KIF26B: variants seen among roughly 807,000 people sequenced by gnomAD.
The protein encoded by KIF26B is kinesin-like protein KIF26B.
KIF26B carries 63 observed loss-of-function variants against 151.2 expected under a neutral mutation model. That is an observed-to-expected ratio of 0.42 (90% CI 0.34 to 0.51). The LOEUF (loss-of-function observed/expected upper bound fraction) is 0.51. KIF26B is among the 20% of genes least tolerant of loss of function. The probability of loss-of-function intolerance (pLI) is 0.07; values close to 1 mark genes in which losing one functional copy is unlikely to be tolerated. For synonymous variants in KIF26B, 1,357 were observed against 1,262.1 expected (o/e 1.08, Z -1.59); for missense variants, 2,813 against 2,913.6 (o/e 0.97, Z 0.79).
intron 9 of KIF26B, among the ~76,000 whole-genome samples, chr1:245,644,943 C>T (rs56311035): frequency 0.23 from 34,886 of 151,960 alleles, 4,291 homozygotes; most frequent in East Asian, 0.38. Context: ...GGTGAGGACT[C>T]AGGAAGCTTA....
intron 5 of KIF26B, among the ~76,000 whole-genome samples, chr1:245,582,394 T>G (rs1390939615): frequency 1.3e-5 from 2 of 152,228 alleles, no homozygotes; most frequent in African/African-American, 4.8e-5. Context: ...TTGAGTTGTT[T>G]TACAACTTAC....
intron 12 of KIF26B, among the ~76,000 whole-genome samples, chr1:245,690,443 G>T (rs112236099): frequency 1.3e-5 from 2 of 152,340 alleles, no homozygotes; most frequent in African/African-American, 4.8e-5. Flanking sequence ...TGCCCCACAG[G>T]CTTGTTCTCT....
At chr1:245,467,330 A>G (rs1659817935) in intron 4 of KIF26B, among the ~76,000 whole-genome samples, 1 of 152,236 alleles carries the variant, frequency 6.6e-6, no homozygotes, top group African/African-American at 2.4e-5. Flanking sequence ...ATGCTTCTTC[A>G]TGGAACATTT....
At position 245,551,409 on chromosome 1, in the gene KIF26B, G is replaced by T. The variant is rs552630511; in HGVS notation, c.1350+10459G>T. 2.7e-3 allele frequency among the ~76,000 whole-genome samples: 409 copies of T among 152,278 alleles called. 2 individuals are homozygous for T. Among genetic ancestry groups the T allele is most frequent in the African/African-American group, 9.2e-3 (384 of 41,568 alleles). The stretch of plus-strand genomic sequence containing the variant: ...AAGAAGATTTTCAGTGAAGGACAAT[G>T]TTTTGAAAATCCAATCAGTAAGATA... On this transcript the variant is annotated intron_variant, in intron 5 of 14. Transcript: ENST00000407071.
At position 245,687,204 on chromosome 1, in the gene KIF26B, G is replaced by C. The variant is rs3806273; in HGVS notation, c.4221G>C (p.Pro1407=). The change falls in exon 12 of 15, where the codon CCG becomes CCC. Residue 1407 remains proline (P), a synonymous_variant. Coordinates refer to ENST00000407071, the MANE Select transcript of KIF26B (RefSeq NM_018012.4). The surrounding 1 kb of genome is among the most constrained non-coding windows in gnomAD (Gnocchi z 4.9). Reference sequence around the variant, plus strand: ...TGAGCCCCCGGAACATCCAAGAGCCGGAGGCCCCCACCGCCACCCCCAAAG... The same window carrying C: ...TGAGCCCCCGGAACATCCAAGAGCCCGAGGCCCCCACCGCCACCCCCAAAG... ...IAMSPRNIQE[P]EAPTATPKAG... is the part of the protein sequence containing the mutation. 0.033 allele frequency: 53,835 copies of C among 1,612,438 alleles called. 2,300 individuals are homozygous for C. Among genetic ancestry groups the C allele is most frequent in the Admixed American group, 0.18 (11,042 of 59,796 alleles).
chr1:245,646,087 A>C lies in KIF26B; in HGVS notation c.2099-34A>C, dbSNP rs747199721. On this transcript the variant is annotated intron_variant, in intron 9 of 14. Transcript: ENST00000407071. ...AACAGATGAGTGTTTGTCAGAACTTAACCATTTCTCTTTTATCTTCTCCCC... is the reference window on the plus strand; with the variant it reads ...AACAGATGAGTGTTTGTCAGAACTTCACCATTTCTCTTTTATCTTCTCCCC... 11 of 1,606,106 alleles carry C rather than the reference A, an allele frequency of 6.8e-6. No individual in the cohort carries two copies. In the Admixed American group the frequency reaches 1.0e-4, roughly 15 times the overall value.
In KIF26B at chr1:245,708,421, T is replaced by C. The variant is rs1301957859; in HGVS notation, c.*5815T>C. ...ATTGGATTCTTCCCATCAGATCATA[T>C]TGCACCAGGTATGTGTAGACATGAA... is the stretch of plus-strand genomic sequence containing the variant. On this transcript the variant is annotated 3_prime_UTR_variant, in exon 15 of 15. Transcript: ENST00000407071. 1 of 152,202 alleles carries C rather than the reference T, an allele frequency of 6.6e-6. No homozygotes were observed. The highest frequency in any genetic ancestry group is 2.4e-5 in the African/African-American group (1 of 41,440). 9.4% of individuals were successfully genotyped at this position (152,202 alleles called of 1,614,324 possible).
In KIF26B at chr1:245,686,703, G is replaced by A; in HGVS notation, c.3720G>A (p.Glu1240=). 1.2e-6 allele frequency: 2 copies of A among 1,613,166 alleles called. No individual in the cohort carries two copies. The highest frequency in any genetic ancestry group is 1.7e-6 in the Non-Finnish European group (2 of 1,179,636). Residue 1240 remains glutamate, a synonymous_variant, in exon 12 of 15, where the codon GAG becomes GAA. Transcript: ENST00000407071. The surrounding 1 kb of genome is among the most constrained non-coding windows in gnomAD (Gnocchi z 5.6). ...SIISSISEDL[E]CYSSTAPVSE... is the part of the protein sequence containing the mutation. ...TCAGCAGCATCAGCGAGGACCTGGA[G>A]TGCTACTCCAGCACGGCCCCCGTCT...
chr1:245,423,494 C>T (rs1038978530), intron 4 of KIF26B, among the ~76,000 whole-genome samples: 49 of 151,254 alleles, frequency 3.2e-4, no homozygotes, highest in Non-Finnish European at 5.2e-4. Context: ...TTTTTTTCAC[C>T]GTAATCATGA....
chr1:245,207,311 G>A (rs1669426486), intron 2 of KIF26B, among the ~76,000 whole-genome samples: 1 of 152,178 alleles, frequency 6.6e-6, no homozygotes, highest in Admixed American at 6.5e-5. Context: ...GGAGGGAAAG[G>A]GTTTTTTTCA....
At chr1:245,245,472 C>T (rs1456538752) in intron 2 of KIF26B, among the ~76,000 whole-genome samples, 1 of 152,152 alleles carries the variant, frequency 6.6e-6, no homozygotes, top group Non-Finnish European at 1.5e-5. Flanking sequence ...ACACCTGGCT[C>T]AGTCTAGACT....
At chr1:245,502,142 C>T (rs141599841) in intron 4 of KIF26B, among the ~76,000 whole-genome samples, 195 of 152,260 alleles carry the variant, frequency 1.3e-3, no homozygotes, top group Admixed American at 5.0e-3. Context: ...TGATTTCTTC[C>T]AACTGGAGAT....
intron 4 of KIF26B, among the ~76,000 whole-genome samples, chr1:245,484,767 A>ATATTATTATTATTATTATTATTAT (rs771748723): frequency 1.3e-4 from 17 of 134,268 alleles, no homozygotes; most frequent in East Asian, 4.5e-4. Flanking sequence ...CTTCTTCTTC[A>ATATTATTATTATTATTATTATTAT]TATTATTATT....
intron 2 of KIF26B, among the ~76,000 whole-genome samples, chr1:245,198,496 A>C (rs889940110): frequency 6.6e-6 from 1 of 151,996 alleles, no homozygotes; most frequent in Non-Finnish European, 1.5e-5. Context: ...CCAAGGTGGG[A>C]GGATCACCTG....
chr1:245,370,537 T>TA (rs1486045335), intron 3 of KIF26B: 3 of 452,528 alleles, frequency 6.6e-6, no homozygotes, highest in Non-Finnish European at 1.3e-5. Flanking sequence ...GTGAGCCACA[T>TA]ACTTGTGTTA....
In KIF26B at chr1:245,649,594, T is replaced by G. The variant is rs565732150; in HGVS notation, c.2258+3314T>G. 2.4e-4 allele frequency among the ~76,000 whole-genome samples: 36 copies of G among 152,246 alleles called. 3 individuals are homozygous for G. In the East Asian group the frequency reaches 6.6e-3, roughly 28 times the overall value. On this transcript the variant is annotated intron_variant, in intron 10 of 14. Transcript: ENST00000407071. ...AAGTGGAAGTTTCCTGCCCTTGAGGTTTCCTCTTACTCCTCCTGCTCACTT... is the reference window on the plus strand; with the variant it reads ...AAGTGGAAGTTTCCTGCCCTTGAGGGTTCCTCTTACTCCTCCTGCTCACTT...
intron 5 of KIF26B, among the ~76,000 whole-genome samples, chr1:245,574,853 CT>C (rs1187889956): frequency 1.1e-4 from 15 of 139,022 alleles, no homozygotes; most frequent in African/African-American, 3.2e-4. Context: ...ATATCTTTTT[CT>C]TTTTTTTTTC....
chr1:245,470,204 G>A (rs960891002), intron 4 of KIF26B, among the ~76,000 whole-genome samples: 1 of 152,026 alleles, frequency 6.6e-6, no homozygotes, highest in Admixed American at 6.6e-5. Flanking sequence ...GGCAGGGGGA[G>A]TTCCCTGAAG....
At chr1:245,684,212 C>T in intron 10 of KIF26B, 21 bp from the exon 11 acceptor site, 1 of 1,608,180 alleles carries the variant, frequency 6.2e-7, no homozygotes, top group African/African-American at 1.3e-5. Flanking sequence ...CTAATGCAGC[C>T]TAATTCACTT....
Sources: gnomAD v4.1 joint callset for allele counts (sites outside exome capture counted in the v4.1 genomes callset) on GRCh38, gnomAD v4.1.1 for gene constraint, Gnocchi (gnomAD v3.1) non-coding constraint, MANE v1.5 for transcripts, NCBI Gene and HGNC (gene_info 2026-07-23, HGNC 2026-07-21) for gene names.